MALRD1: variants seen among roughly 807,000 people sequenced by gnomAD.
MALRD1 encodes MAM and LDL-receptor class A domain-containing protein 1.
MALRD1 carries 247 observed loss-of-function variants against 242.1 expected under a neutral mutation model. That is an observed-to-expected ratio of 1.02 (90% CI 0.92 to 1.13). The LOEUF is 1.13. MALRD1 is among the 50% of genes most tolerant of loss of function. MALRD1 has a pLI of 0.00. For missense variants in MALRD1, 2,989 were observed against 2,533.1 expected (o/e 1.18, Z -3.86); for synonymous variants, 995 against 866.6 (o/e 1.15, Z -2.60).
chr10:19,195,026 G>A (rs1836173407), intron 14 of MALRD1, among the ~76,000 whole-genome samples: 1 of 151,490 alleles, frequency 6.6e-6, no homozygotes, highest in African/African-American at 2.4e-5. Flanking sequence ...ATCTCACGCT[G>A]TCCTTATCTG....
At chr10:19,660,920 C>T (rs1227390158) in intron 36 of MALRD1, among the ~76,000 whole-genome samples, 3 of 152,116 alleles carry the variant, frequency 2.0e-5, no homozygotes, top group Non-Finnish European at 4.4e-5. Flanking sequence ...ATCATTCTTC[C>T]TAACACACTT....
At chr10:19,333,933 C>A (rs2130930212) in intron 24 of MALRD1, among the ~76,000 whole-genome samples, 1 of 151,976 alleles carries the variant, frequency 6.6e-6, no homozygotes, top group East Asian at 1.9e-4. Context: ...TTTGTTGCCC[C>A]TTGTTTGTCT....
At chr10:19,460,791 C>G (rs1368146265) in intron 29 of MALRD1, among the ~76,000 whole-genome samples, 2 of 152,022 alleles carry the variant, frequency 1.3e-5, no homozygotes, top group Non-Finnish European at 2.9e-5. Flanking sequence ...ACCCGAAGAC[C>G]AGGAGAACTA....
intron 29 of MALRD1, among the ~76,000 whole-genome samples, chr10:19,465,348 G>A (rs1836165024): frequency 6.6e-6 from 1 of 152,054 alleles, no homozygotes; most frequent in Non-Finnish European, 1.5e-5. Flanking sequence ...TTGTCAGTTT[G>A]TCATAAACGG....
intron 33 of MALRD1, among the ~76,000 whole-genome samples, chr10:19,588,167 T>C (rs1837545635): frequency 6.6e-6 from 1 of 152,164 alleles, no homozygotes. Flanking sequence ...TTTAAAGACC[T>C]TTCCAATTTC....
chr10:19,234,344 AC>A (rs1838207966), intron 18 of MALRD1, among the ~76,000 whole-genome samples: 2 of 151,996 alleles, frequency 1.3e-5, no homozygotes, highest in Non-Finnish European at 2.9e-5. Flanking sequence ...TTATATGCTG[AC>A]ATGAATTCTA....
intron 2 of MALRD1, among the ~76,000 whole-genome samples, chr10:19,082,683 A>G (rs1448514212): frequency 2.6e-5 from 4 of 151,922 alleles, no homozygotes; most frequent in Admixed American, 6.6e-5. Context: ...CATTTAAAAC[A>G]ATATACTCTT....
intron 28 of MALRD1, among the ~76,000 whole-genome samples, chr10:19,399,145 G>C (rs189523586): frequency 4.5e-4 from 69 of 151,822 alleles, no homozygotes; most frequent in Non-Finnish European, 4.4e-5. Flanking sequence ...GGCTTCACAT[G>C]GTTGCTGTCC....
At chr10:19,047,588 A>G (rs180960312), upstream of MALRD1, among the ~76,000 whole-genome samples, 160 of 152,254 alleles carry the variant, frequency 1.1e-3, no homozygotes, top group African/African-American at 3.8e-3. Context: ...AAAGAGGTAG[A>G]TGAAGGATTT....
chr10:19,371,351 G>A (rs547551871), intron 26 of MALRD1, among the ~76,000 whole-genome samples: 3 of 152,302 alleles, frequency 2.0e-5, no homozygotes, highest in East Asian at 3.9e-4. Context: ...CATTTTTTAT[G>A]TAGTATCCTT....
Position 19,604,234 on chromosome 10 carries a change from A to G in MALRD1, c.5945-3543A>G, listed in dbSNP as rs940475882. Among the ~76,000 whole-genome samples the G allele has an allele frequency of 5.3e-5, 8 of 152,294 alleles. No individual in the cohort carries two copies. In the South Asian group the frequency reaches 1.0e-3, roughly 20 times the overall value. On this transcript the variant is annotated intron_variant, in intron 34 of 39. Transcript: ENST00000454679. ...AAAGCAAAACAGCCTTATTGTGGAT[A>G]TGGAGAAAGTTTTGACATATGTCTG...
intron 38 of MALRD1, among the ~76,000 whole-genome samples, chr10:19,714,021 G>A (rs1249861655): frequency 6.6e-6 from 1 of 152,156 alleles, no homozygotes; most frequent in Non-Finnish European, 1.5e-5. Context: ...GCAGTGTCTA[G>A]GGTTGAGTTT....
At chr10:19,223,909 C>T (rs539820683) in intron 18 of MALRD1, among the ~76,000 whole-genome samples, 36 of 152,198 alleles carry the variant, frequency 2.4e-4, no homozygotes, top group Non-Finnish European at 4.3e-4. Context: ...TAGTATTCCA[C>T]GGTGTATATG....
intron 38 of MALRD1, among the ~76,000 whole-genome samples, chr10:19,725,241 T>C (rs1343611719): frequency 6.6e-6 from 1 of 152,158 alleles, no homozygotes; most frequent in East Asian, 1.9e-4. Context: ...GGGAGGGACC[T>C]AGTGGGAGGT....
intron 34 of MALRD1, among the ~76,000 whole-genome samples, chr10:19,597,164 T>C (rs1170913870): frequency 2.0e-5 from 3 of 152,196 alleles, no homozygotes; most frequent in African/African-American, 4.8e-5. Context: ...TAATCTTTTC[T>C]TAGAAACAAG....
At chr10:19,221,069 G>C (rs981893241) in intron 18 of MALRD1, among the ~76,000 whole-genome samples, 1 of 151,520 alleles carries the variant, frequency 6.6e-6, no homozygotes, top group South Asian at 2.1e-4. Context: ...TGAAGGAAAA[G>C]ATATTTTTCC....
At chr10:19,621,695 G>A (rs1346647268) in intron 36 of MALRD1, among the ~76,000 whole-genome samples, 1 of 151,664 alleles carries the variant, frequency 6.6e-6, no homozygotes, top group Non-Finnish European at 1.5e-5. Flanking sequence ...TTCAAAAAAT[G>A]AAAAGAGACC....
chr10:19,247,100 G>T (rs937443204), intron 18 of MALRD1, among the ~76,000 whole-genome samples: 1 of 152,012 alleles, frequency 6.6e-6, no homozygotes, highest in Admixed American at 6.6e-5. Context: ...TAGTTGATTT[G>T]CACAGCTAGT....
At chr10:19,317,082 T>A (rs1842737095) in intron 21 of MALRD1, among the ~76,000 whole-genome samples, 1 of 151,550 alleles carries the variant, frequency 6.6e-6, no homozygotes, top group Non-Finnish European at 1.5e-5. Context: ...AAAATTTTTT[T>A]AAAGAATGCT....
Sources: gnomAD v4.1 joint callset for allele counts (sites outside exome capture counted in the v4.1 genomes callset) on GRCh38, gnomAD v4.1.1 for gene constraint, MANE v1.5 for transcripts, NCBI Gene and HGNC (gene_info 2026-07-23, HGNC 2026-07-21) for gene names.